The following TCF7L2 variants were observed in gnomAD, a reference collection of about 807,000 sequenced individuals.
TCF7L2 encodes the protein transcription factor 7 like 2, also known as transcription factor 7-like 2.
In TCF7L2, 23 loss-of-function variants were observed where a neutral mutation model predicts 77.9. The observed-to-expected ratio is 0.30, with a 90% CI of 0.21 to 0.42. The LOEUF is 0.42. Ranked by LOEUF, TCF7L2 falls within the 10% of genes least tolerant of loss-of-function variation. The pLI is 1.00. For missense variants in TCF7L2, 654 were observed against 793.1 expected (o/e 0.82, Z 2.11); for synonymous variants, 413 against 340.2 (o/e 1.21, Z -2.36).
intron 5 of TCF7L2, chr10:113,089,604 A>G (rs2060163519): frequency 1.3e-6 from 2 of 1,582,192 alleles, no homozygotes; most frequent in Admixed American, 1.8e-5. Context: ...CGCCCACCCA[A>G]AGTTTACCTC....
At chr10:112,967,976 T>C (rs932343113) in intron 4 of TCF7L2, among the ~76,000 whole-genome samples, 2 of 152,240 alleles carry the variant, frequency 1.3e-5, no homozygotes, top group Admixed American at 6.5e-5. Context: ...GTTTTAAAAT[T>C]CTATTGACTT....
chr10:113,098,071 AAAG>A (rs1166569180), intron 5 of TCF7L2, among the ~76,000 whole-genome samples: 9 of 150,116 alleles, frequency 6.0e-5, no homozygotes, highest in Non-Finnish European at 8.9e-5. Context: ...AAAAAAAAAA[AAAG>A]AAGAAGAAGA....
chr10:113,085,604 G>C (rs1290814580), intron 5 of TCF7L2, among the ~76,000 whole-genome samples: 1 of 152,156 alleles, frequency 6.6e-6, no homozygotes, highest in Non-Finnish European at 1.5e-5. Flanking sequence ...CAAGATAATG[G>C]AATACACAAA....
intron 13 of TCF7L2, among the ~76,000 whole-genome samples, chr10:113,163,832 CTCCTTCCCTGCCT>C (rs971586319): frequency 6.6e-6 from 1 of 152,148 alleles, no homozygotes; most frequent in African/African-American, 2.4e-5. Context: ...CACCCCTCCC[CTCCTTCCCTGCCT>C]TCCTGCCATC....
intron 5 of TCF7L2, among the ~76,000 whole-genome samples, chr10:113,134,656 C>T (rs1022577987): frequency 6.6e-6 from 1 of 152,190 alleles, no homozygotes; most frequent in African/African-American, 2.4e-5. Flanking sequence ...AACGTTTTAG[C>T]GGTTGCCATT....
intron 5 of TCF7L2, among the ~76,000 whole-genome samples, chr10:113,043,726 C>CT (rs1007203424): frequency 6.6e-6 from 1 of 152,096 alleles, no homozygotes; most frequent in Non-Finnish European, 1.5e-5. Context: ...TAACTAAACT[C>CT]TTTTTCTTTC....
intron 13 of TCF7L2, among the ~76,000 whole-genome samples, chr10:113,164,285 T>A (rs2073685957): frequency 6.6e-6 from 1 of 152,198 alleles, no homozygotes; most frequent in Non-Finnish European, 1.5e-5. Flanking sequence ...CAAGAAGGGC[T>A]CTGAAATTCT....
At position 113,151,240 on chromosome 10, in the gene TCF7L2, A is replaced by T; in HGVS notation, c.1001+117A>T. 7.1e-7 allele frequency: 1 copy of T among 1,401,516 alleles called. No homozygotes were observed. Among genetic ancestry groups the T allele is most frequent in the African/African-American group, 1.4e-5 (1 of 70,782 alleles). The allele number at this position is 1,401,516 out of a possible 1,614,324, so 86.8% of individuals were successfully genotyped here. A position where few individuals can be genotyped will look rare whatever the true frequency, so the allele number is the denominator to read the frequency against. ...GGCCTCGTTTGGTTTGACTGCAGCC[A>T]ATACCCAGCCTGTGTGGGCTCTTCA... is the stretch of plus-strand genomic sequence containing the variant. On this transcript the variant is annotated intron_variant, in intron 9 of 13. Transcript: ENST00000627217. This position sits in a 1 kb window ranked among gnomAD's most constrained non-coding sequence, Gnocchi z 5.2.
chr10:113,132,438 A>C (rs551969008), intron 5 of TCF7L2, among the ~76,000 whole-genome samples: 2 of 152,330 alleles, frequency 1.3e-5, no homozygotes, highest in East Asian at 3.9e-4. Flanking sequence ...ATTCCCCAGG[A>C]TGTAATAACC....
chr10:113,047,974 C>G (rs2053753409), intron 5 of TCF7L2, among the ~76,000 whole-genome samples: 1 of 152,182 alleles, frequency 6.6e-6, no homozygotes, highest in Non-Finnish European at 1.5e-5. Context: ...AAAGGGTTCT[C>G]TCCTAAAATA....
chr10:113,079,567 T>C (rs1403225851), intron 5 of TCF7L2, among the ~76,000 whole-genome samples: 1 of 152,176 alleles, frequency 6.6e-6, no homozygotes, highest in East Asian at 1.9e-4. Flanking sequence ...CCCTCAACAA[T>C]CTTTAAGAGA....
At chr10:113,121,668 A>AC (rs909228413) in intron 5 of TCF7L2, among the ~76,000 whole-genome samples, 27 of 151,858 alleles carry the variant, frequency 1.8e-4, no homozygotes, top group Non-Finnish European at 3.4e-4. Flanking sequence ...AATTGGATTT[A>AC]CCCCCCTTCT....
chr10:113,041,619 G>C (rs913952715), intron 5 of TCF7L2, among the ~76,000 whole-genome samples: 1 of 152,212 alleles, frequency 6.6e-6, no homozygotes, highest in Non-Finnish European at 1.5e-5. Flanking sequence ...GTCAGGGACA[G>C]TGCATAGGTG....
At chr10:113,033,564 C>T (rs1293709332) in intron 4 of TCF7L2, among the ~76,000 whole-genome samples, 1 of 152,130 alleles carries the variant, frequency 6.6e-6, no homozygotes, top group Non-Finnish European at 1.5e-5. Flanking sequence ...TTTTCTATGG[C>T]TTTATTCTTT....
At chr10:113,071,905 T>C (rs1047700812) in intron 5 of TCF7L2, among the ~76,000 whole-genome samples, 1 of 152,234 alleles carries the variant, frequency 6.6e-6, no homozygotes, top group Admixed American at 6.5e-5. Flanking sequence ...CTGTGGATGC[T>C]GGAGTAAGTG....
intron 4 of TCF7L2, among the ~76,000 whole-genome samples, chr10:113,024,361 A>G (rs1330480006): frequency 6.6e-6 from 1 of 152,122 alleles, no homozygotes; most frequent in African/African-American, 2.4e-5. Context: ...TTGCTTGCTT[A>G]TGGACATAAA....
At chr10:113,104,197 A>T (rs1232541391) in intron 5 of TCF7L2, among the ~76,000 whole-genome samples, 5 of 152,070 alleles carry the variant, frequency 3.3e-5, no homozygotes. Context: ...AGCTTGAAGG[A>T]TTTGCCTTTG....
chr10:113,080,669 C>T (rs920606786), intron 5 of TCF7L2, among the ~76,000 whole-genome samples: 3 of 152,146 alleles, frequency 2.0e-5, no homozygotes, highest in Non-Finnish European at 2.9e-5. Flanking sequence ...ATTTCAATTT[C>T]GTACATTTTT....
intron 5 of TCF7L2, among the ~76,000 whole-genome samples, chr10:113,083,117 G>C (rs985540659): frequency 1.3e-5 from 2 of 152,028 alleles, no homozygotes; most frequent in African/African-American, 4.8e-5. Context: ...GTGCAGAGAT[G>C]GTGATTACAT....
Sources: allele counts gnomAD v4.1 joint callset (sites outside exome capture counted in the v4.1 genomes callset), GRCh38; gene constraint gnomAD v4.1.1; non-coding constraint Gnocchi (gnomAD v3.1); transcripts MANE v1.5; gene names NCBI Gene and HGNC (gene_info 2026-07-23, HGNC 2026-07-21).